The following MRTFB variants were observed in gnomAD, a reference collection of about 807,000 sequenced individuals.
MRTFB encodes myocardin related transcription factor B.
In MRTFB, 29 loss-of-function variants were observed where a neutral mutation model predicts 104.2. That is an observed-to-expected ratio of 0.28 (90% CI 0.21 to 0.38). MRTFB has a LOEUF of 0.38. Among genes scored for constraint, MRTFB ranks in the 10% least tolerant of loss-of-function variants. MRTFB has a pLI of 1.00. For missense variants in MRTFB, 1,270 were observed against 1,341.6 expected (o/e 0.95, Z 0.83); for synonymous variants, 535 against 519.5 (o/e 1.03, Z -0.41).
chr16:14,217,408 A>AT (rs1355350198), intron 7 of MRTFB, 121 bp downstream of exon 7: 6 of 798,184 alleles, frequency 7.5e-6, no homozygotes, highest in African/African-American at 1.7e-5. Context: ...TTAATTAGAA[A>AT]TTAACACAGT....
the MRTFB span, among the ~76,000 whole-genome samples, chr16:14,035,821 C>T: frequency 1.3e-5 from 2 of 151,992 alleles, no homozygotes; most frequent in Non-Finnish European, 2.9e-5. Flanking sequence ...TTGGTGCACT[C>T]ATCACCTAAG....
intron 8 of MRTFB, among the ~76,000 whole-genome samples, chr16:14,226,108 C>T (rs2151270259): frequency 6.6e-6 from 1 of 152,268 alleles, no homozygotes; most frequent in Admixed American, 6.5e-5. Context: ...CACAGACATC[C>T]TGTGTTCATG....
In MRTFB at chr16:14,140,584, C is replaced by T; in HGVS notation, c.-23C>T. ...GTGTTTAAGAGGCGTCTTACACTCC[C>T]TGTTGCCAGTGGCTGGAACACAATG... On this transcript the variant is annotated 5_prime_UTR_variant, in exon 3 of 17. Transcript: ENST00000571589. 1 of 1,613,818 alleles carries T rather than the reference C, an allele frequency of 6.2e-7. No individual in the cohort carries two copies. The highest frequency in any genetic ancestry group is 8.5e-7 in the Non-Finnish European group (1 of 1,179,836).
intron 2 of MRTFB, among the ~76,000 whole-genome samples, chr16:14,101,672 T>C (rs1175544022): frequency 1.3e-5 from 2 of 152,210 alleles, no homozygotes; most frequent in Non-Finnish European, 2.9e-5. Flanking sequence ...GACAAGATTC[T>C]GTTGAAGAGG....
At chr16:14,190,113 A>G (rs999548004) in intron 3 of MRTFB, among the ~76,000 whole-genome samples, 10 of 152,202 alleles carry the variant, frequency 6.6e-5, no homozygotes, top group Admixed American at 4.6e-4. Flanking sequence ...GTTGATGCTT[A>G]TATAAGCTTT....
intron 3 of MRTFB, among the ~76,000 whole-genome samples, chr16:14,189,594 A>G (rs1317183689): frequency 6.6e-6 from 1 of 152,256 alleles, no homozygotes. Context: ...AAAAATATTT[A>G]TCATATTTTA....
intron 2 of MRTFB, 60 bp downstream of exon 2, chr16:14,079,414 C>G (rs2034264190): frequency 3.0e-6 from 1 of 331,596 alleles, no homozygotes. Context: ...TTTCTTTTAC[C>G]TCCTCTTACA....
chr16:14,024,410 T>G, the MRTFB span, among the ~76,000 whole-genome samples: 3 of 152,174 alleles, frequency 2.0e-5, no homozygotes, highest in Non-Finnish European at 4.4e-5. Context: ...GTAGCCAAAG[T>G]CTAACAATAT....
rs775721670 is a variant in MRTFB at position 14,247,245 on chromosome 16, G to A, written c.1985G>A (p.Gly662Asp). 4 of 1,614,040 alleles carry A rather than the reference G, an allele frequency of 2.5e-6. No homozygotes were observed. Among genetic ancestry groups the A allele is most frequent in the Non-Finnish European group, 3.4e-6 (4 of 1,180,046 alleles). ...ATCCCAGTAGCCAGCCACGCTGTAG[G>A]CCAGCCCGTCTCTACAGGTGGCCAG... ...QPIPVASHAV[G>D]QPVSTGGQTL... The change falls in exon 12 of 17, where the codon GGC becomes GAC. Residue 662 changes from glycine (G) to aspartate (D), a missense_variant. Gly to Asp is a moderately conservative substitution (Grantham distance 94). Around this residue, in one of 3 missense-constraint regions of MRTFB, gnomAD observed 1,144 missense variants for 1,131.5 expected, o/e 1.01. Coordinates refer to ENST00000571589, the MANE Select transcript of MRTFB (RefSeq NM_001308142.2).
intron 3 of MRTFB, among the ~76,000 whole-genome samples, chr16:14,154,980 G>A (rs1489860467): frequency 6.6e-6 from 1 of 152,186 alleles, no homozygotes; most frequent in African/African-American, 2.4e-5. Flanking sequence ...CTCTAAGGGA[G>A]AGGATTATAC....
the MRTFB span, among the ~76,000 whole-genome samples, chr16:14,039,576 AATATATTTGTACAT>A: frequency 6.6e-6 from 1 of 151,876 alleles, no homozygotes; most frequent in African/African-American, 2.4e-5. Flanking sequence ...TGCGTGCACA[AATATATTTGTACAT>A]ATATATACAT....
chr16:14,027,644 G>A, the MRTFB span, among the ~76,000 whole-genome samples: 2 of 152,304 alleles, frequency 1.3e-5, no homozygotes, highest in African/African-American at 2.4e-5. Flanking sequence ...TTATCATGGG[G>A]GAAGCTGGGC....
chr16:14,189,071 A>G (rs991650883), intron 3 of MRTFB, among the ~76,000 whole-genome samples: 1 of 150,420 alleles, frequency 6.6e-6, no homozygotes, highest in African/African-American at 2.5e-5. Flanking sequence ...AATAGATTCT[A>G]CTCATCTAAT....
At chr16:14,055,059 G>A in the MRTFB span, among the ~76,000 whole-genome samples, 1 of 152,132 alleles carries the variant, frequency 6.6e-6, no homozygotes, top group Non-Finnish European at 1.5e-5. Context: ...GAACTGAGAA[G>A]TTAACATGGA....
chr16:14,127,925 A>ATTTTTTTTTTTTTTTTTTTTTTTTT, intron 2 of MRTFB, among the ~76,000 whole-genome samples: 1 of 38,406 alleles, frequency 2.6e-5, no homozygotes, highest in East Asian at 7.9e-4. Context: ...ATATATATAT[A>ATTTTTTTTTTTTTTTTTTTTTTTTT]TATATTTTTT....
At chr16:14,226,999 GA>G (rs2042033243) in intron 8 of MRTFB, among the ~76,000 whole-genome samples, 2 of 151,170 alleles carry the variant, frequency 1.3e-5, no homozygotes. Context: ...AAAGAAACAA[GA>G]AAAAAACTTC....
At chr16:13,998,018 C>T in the MRTFB span, among the ~76,000 whole-genome samples, 3 of 152,092 alleles carry the variant, frequency 2.0e-5, no homozygotes, top group Non-Finnish European at 2.9e-5. Flanking sequence ...TCTCAGAGAG[C>T]GTGACATTTG....
At chr16:14,256,633 T>G (rs1246174044) in intron 15 of MRTFB, among the ~76,000 whole-genome samples, 1 of 152,180 alleles carries the variant, frequency 6.6e-6, no homozygotes, top group Non-Finnish European at 1.5e-5. Flanking sequence ...AACTTGCCAG[T>G]CAAGGGCATT....
the MRTFB span, among the ~76,000 whole-genome samples, chr16:14,062,074 ATTTTG>A: frequency 0.14 from 20,658 of 150,512 alleles, 2,777 homozygotes; most frequent in African/African-American, 0.34. Context: ...AAGGACCCAG[ATTTTG>A]TTTTGTTTTG....
Sources: gnomAD v4.1 joint callset for allele counts (sites outside exome capture counted in the v4.1 genomes callset) on GRCh38, gnomAD v4.1.1 for gene constraint, gnomAD v4.1.1 regional missense constraint, MANE v1.5 for transcripts, NCBI Gene and HGNC (gene_info 2026-07-23, HGNC 2026-07-21) for gene names.